The following RFC3 variants were observed in gnomAD, a reference collection of about 807,000 sequenced individuals.
RFC3 encodes replication factor C subunit 3.
RFC3 carries 41 observed loss-of-function variants against 45.1 expected under a neutral mutation model. The observed-to-expected ratio is 0.91, with a 90% confidence interval of 0.71 to 1.18. The LOEUF is 1.18. RFC3 is among the 50% of genes most tolerant of loss of function. The pLI, the probability that RFC3 is intolerant of heterozygous loss-of-function variation, is 0.00. For missense variants in RFC3, 423 were observed against 428.1 expected, an observed-to-expected ratio of 0.99 and a Z score of 0.10; for synonymous variants, 149 against 144.0, an observed-to-expected ratio of 1.03 and a Z score of -0.25.
intron 8 of RFC3, among the ~76,000 whole-genome samples, chr13:33,937,345 A>G (rs1381959614): frequency 6.6e-6 from 1 of 152,200 alleles, no homozygotes; most frequent in South Asian, 2.1e-4. Flanking sequence ...TACACTCTAC[A>G]ATGTTTGTAA....
chr13:33,870,413 A>G (rs2137563502), intron 8 of RFC3, among the ~76,000 whole-genome samples: 1 of 152,360 alleles, frequency 6.6e-6, no homozygotes, highest in Middle Eastern at 3.4e-3. Context: ...TGATGGCAAA[A>G]TAAGAAATAG....
At position 33,950,072 on chromosome 13, in the gene RFC3, T is replaced by TACACACAC. The variant is rs71196530; in HGVS notation, c.880-15988_880-15981dup. Among the ~76,000 whole-genome samples the TACACACAC allele has an allele frequency of 2.1e-3, 310 of 144,928 alleles. 2 individuals are homozygous for TACACACAC. Among genetic ancestry groups the TACACACAC allele is most frequent in the African/African-American group, 5.9e-3 (234 of 39,564 alleles). The stretch of plus-strand genomic sequence containing the variant: ...TTCTCCCTCTCTCTCTCTCTCGCTC[T>TACACACAC]ACACACACACACACACACACACACA... On this transcript the variant is annotated intron_variant, in intron 8 of 8. Transcript: ENST00000434425.
the RFC3 span, among the ~76,000 whole-genome samples, chr13:33,977,200 A>G: frequency 6.6e-6 from 1 of 152,178 alleles, no homozygotes; most frequent in Admixed American, 6.5e-5. Flanking sequence ...ATGATGTATG[A>G]ATAAATATTG....
At chr13:33,860,299 T>C (rs1185272395) in intron 8 of RFC3, among the ~76,000 whole-genome samples, 1 of 69,470 alleles carries the variant, frequency 1.4e-5, no homozygotes, top group Non-Finnish European at 5.5e-5. Flanking sequence ...AAATGGGGAC[T>C]CAGGAAAACC....
chr13:33,854,803 C>A (rs760776773), intron 8 of RFC3, among the ~76,000 whole-genome samples: 5 of 152,110 alleles, frequency 3.3e-5, no homozygotes, highest in Non-Finnish European at 7.4e-5. Context: ...GGACTGGCTG[C>A]TGCTATTTCA....
intron 8 of RFC3, among the ~76,000 whole-genome samples, chr13:33,906,945 C>T (rs1490016965): frequency 6.6e-6 from 1 of 152,054 alleles, no homozygotes; most frequent in Non-Finnish European, 1.5e-5. Context: ...CTTTCCACCT[C>T]AGCCTCCAAA....
At chr13:33,825,726 C>A in intron 3 of RFC3, 63 bp from the exon 4 acceptor site, 1 of 872,578 alleles carries the variant, frequency 1.1e-6, no homozygotes, top group Non-Finnish European at 1.7e-6. Context: ...AAGAACTTCA[C>A]CATTTTTCTT....
intron 1 of RFC3, 64 bp downstream of exon 1, chr13:33,818,329 C>G (rs2081967473): frequency 3.7e-6 from 5 of 1,362,172 alleles, no homozygotes; most frequent in South Asian, 2.4e-5. Flanking sequence ...TTTCGCGCCC[C>G]CCTGAGGAGC....
rs796351523 is a variant in RFC3 at position 33,834,391 on chromosome 13, C to CT, written c.810-743dup. Among the ~76,000 whole-genome samples, 1,081 of 128,582 alleles carry CT rather than the reference C, an allele frequency of 8.4e-3. 17 individuals carry two copies. The highest frequency in any genetic ancestry group is 0.027 in the African/African-American group (904 of 33,952). The allele number at this position is 128,582 out of a possible 152,430, so 84.4% of individuals were successfully genotyped here. ...AGAATGTGTATTTGGAACTTTCTCT[C>CT]TTTTTTTTTTTTTTCTGTTTTAAAA... On this transcript the variant is annotated intron_variant, in intron 7 of 8. Coordinates refer to ENST00000380071, the MANE Select transcript of RFC3 (RefSeq NM_002915.4).
At chr13:33,899,426 T>TAA (rs2082625131) in intron 8 of RFC3, among the ~76,000 whole-genome samples, 1 of 151,370 alleles carries the variant, frequency 6.6e-6, no homozygotes, top group Non-Finnish European at 1.5e-5. Flanking sequence ...GACAAAGATT[T>TAA]AAAAAATATA....
chr13:33,893,005 T>G (rs1220705778), intron 8 of RFC3, among the ~76,000 whole-genome samples: 1 of 152,166 alleles, frequency 6.6e-6, no homozygotes, highest in African/African-American at 2.4e-5. Context: ...GCAGGAGAAC[T>G]GTCCCTGCCT....
chr13:33,831,025 C>A (rs55724861), intron 6 of RFC3, among the ~76,000 whole-genome samples, 170 bp downstream of exon 6: 1 of 152,136 alleles, frequency 6.6e-6, no homozygotes, highest in Non-Finnish European at 1.5e-5. Flanking sequence ...TCATTTGGAG[C>A]GTAGATCCCT....
intron 8 of RFC3, among the ~76,000 whole-genome samples, chr13:33,873,765 A>G (rs1352823573): frequency 1.3e-5 from 2 of 152,186 alleles, no homozygotes; most frequent in Non-Finnish European, 2.9e-5. Flanking sequence ...AGGATAGTCT[A>G]TGTGATGTGC....
At chr13:33,964,091 T>C (rs1253667408) in intron 8 of RFC3, among the ~76,000 whole-genome samples, 1 of 152,176 alleles carries the variant, frequency 6.6e-6, no homozygotes, top group East Asian at 1.9e-4. Flanking sequence ...AATTAGCCCT[T>C]CTTCTGAGGC....
intron 3 of RFC3, among the ~76,000 whole-genome samples, chr13:33,824,685 C>T (rs1000484897): frequency 6.6e-6 from 1 of 151,922 alleles, no homozygotes; most frequent in Non-Finnish European, 1.5e-5. Context: ...GGGAGGAGAC[C>T]GAATGGAGCA....
chr13:33,917,747 A>G (rs1352199169), intron 8 of RFC3, among the ~76,000 whole-genome samples: 1 of 152,118 alleles, frequency 6.6e-6, no homozygotes, highest in East Asian at 1.9e-4. Flanking sequence ...AACACTCTGT[A>G]TAAAGGTGTC....
chr13:33,818,914 G>A (rs1351015766), intron 1 of RFC3, among the ~76,000 whole-genome samples: 1 of 140,944 alleles, frequency 7.1e-6, no homozygotes, highest in Non-Finnish European at 1.5e-5. Context: ...TTTTGAGACG[G>A]AGTTTAGCTG....
At chr13:33,950,022 GTCTCTCTCTGCTT>G (rs1566039707) in intron 8 of RFC3, among the ~76,000 whole-genome samples, 17 of 150,332 alleles carry the variant, frequency 1.1e-4, no homozygotes. Context: ...GGACTTGCCT[GTCTCTCTCTGCTT>G]TCTCTCTCTC....
At chr13:33,861,804 C>T (rs535327097) in intron 8 of RFC3, among the ~76,000 whole-genome samples, 11 of 152,218 alleles carry the variant, frequency 7.2e-5, no homozygotes, top group East Asian at 1.9e-4. Context: ...AATTTTGTAC[C>T]GACACTGTGC....
Sources: allele counts gnomAD v4.1 joint callset (sites outside exome capture counted in the v4.1 genomes callset), GRCh38; gene constraint gnomAD v4.1.1; transcripts MANE v1.5; gene names NCBI Gene and HGNC (gene_info 2026-07-23, HGNC 2026-07-21).